The following GABPB1 variants were observed in gnomAD, a reference collection of about 807,000 sequenced individuals.
GABPB1 encodes GA binding protein transcription factor subunit beta 1.
Under a neutral mutation model 45.9 loss-of-function variants are expected in GABPB1, and 15 were observed. The ratio of observed to expected loss-of-function variants is 0.33; its 90% confidence interval spans 0.22 to 0.50. GABPB1 has a LOEUF of 0.50. Ranked by LOEUF, GABPB1 falls within the 20% of genes least tolerant of loss-of-function variation. The probability of loss-of-function intolerance (pLI) is 0.98; values close to 1 mark genes in which losing one functional copy is unlikely to be tolerated. For synonymous variants in GABPB1, 143 were observed against 154.4 expected, an observed-to-expected ratio of 0.93 and a Z score of 0.55; for missense variants, 252 against 457.5, an observed-to-expected ratio of 0.55 and a Z score of 4.10.
chr15:50,310,155 C>T (rs141332700), intron 1 of GABPB1, among the ~76,000 whole-genome samples: 118 of 152,306 alleles, frequency 7.7e-4, no homozygotes, highest in African/African-American at 2.5e-3. Flanking sequence ...TGCAGTGGCA[C>T]GATGTTGGCT....
At chr15:50,351,612 G>C (rs2048827592) in intron 1 of GABPB1, 1 of 142,024 alleles carries the variant, frequency 7.0e-6, no homozygotes, top group African/African-American at 2.6e-5. Context: ...GGAAAACAGG[G>C]AGGGAAGGAG....
intron 1 of GABPB1, chr15:50,347,338 T>C (rs1567553151): frequency 6.6e-6 from 1 of 152,072 alleles, no homozygotes; most frequent in Non-Finnish European, 1.5e-5. Flanking sequence ...TTCACACAAG[T>C]CATTTAGGGC....
intron 1 of GABPB1, chr15:50,353,271 C>T (rs1317707434): frequency 2.0e-5 from 3 of 151,912 alleles, no homozygotes; most frequent in Non-Finnish European, 4.4e-5. Flanking sequence ...AAGTTAGAGC[C>T]CAGTAAAAAA....
At chr15:50,300,925 T>G (rs1363068660) in intron 5 of GABPB1, 23 bp from the exon 6 acceptor site, 1 of 1,381,520 alleles carries the variant, frequency 7.2e-7, no homozygotes, top group African/African-American at 1.4e-5. Context: ...AGAAAATAGA[T>G]TTGAATTTCT....
chr15:50,350,468 C>A (rs981290189), intron 1 of GABPB1: 6 of 150,680 alleles, frequency 4.0e-5, no homozygotes, highest in Non-Finnish European at 5.9e-5. Context: ...TTTAAAGCTG[C>A]TGAATCTACC....
chr15:50,307,646 G>A (rs2046993624), intron 2 of GABPB1, among the ~76,000 whole-genome samples: 1 of 149,376 alleles, frequency 6.7e-6, no homozygotes. Flanking sequence ...AGGTTGCAGT[G>A]AGCCGAGACT....
intron 6 of GABPB1, among the ~76,000 whole-genome samples, chr15:50,296,333 CT>C (rs1348932683): frequency 2.0e-5 from 3 of 152,180 alleles, no homozygotes; most frequent in African/African-American, 7.2e-5. Context: ...TAGCAGAACA[CT>C]TATTTCAACA....
rs561565231 is a variant in GABPB1 at position 50,300,536 on chromosome 15, G to A, written c.697+253C>T. Among the ~76,000 whole-genome samples, 16 of 142,536 alleles carry A rather than the reference G, an allele frequency of 1.1e-4. No homozygotes were observed. The East Asian group carries it at 3.2e-3, about 29-fold the overall frequency. The allele number at this position is 142,536 out of a possible 152,430, so 93.5% of individuals were successfully genotyped here. On this transcript the variant is annotated intron_variant, in intron 6 of 8. Transcript: ENST00000380877. ...CAGCTCACTGCAGCCTTCACCTCCC[G>A]GGTTCAAGCAATCCTCCTGCCTCAG...
chr15:50,347,263 G>A (rs992399023), intron 1 of GABPB1, among the ~76,000 whole-genome samples: 9 of 152,066 alleles, frequency 5.9e-5, no homozygotes, highest in Non-Finnish European at 1.2e-4. Flanking sequence ...GAAACTGAGG[G>A]TCACTATGAA....
chr15:50,329,117 A>G (rs188159476), intron 1 of GABPB1, among the ~76,000 whole-genome samples: 132 of 152,260 alleles, frequency 8.7e-4, no homozygotes, highest in African/African-American at 3.1e-3. Context: ...CAGGTTACGC[A>G]TGTCCCCTGC....
intron 6 of GABPB1, among the ~76,000 whole-genome samples, chr15:50,294,005 T>C (rs919424678): frequency 2.6e-5 from 4 of 152,030 alleles, no homozygotes; most frequent in African/African-American, 9.7e-5. Context: ...GGATAAAAAA[T>C]AACTATAACA....
intron 1 of GABPB1, among the ~76,000 whole-genome samples, chr15:50,340,143 T>C (rs1055378371): frequency 3.3e-5 from 5 of 152,192 alleles, no homozygotes; most frequent in African/African-American, 1.2e-4. Flanking sequence ...CTTCACCATA[T>C]GAGGGCACAG....
At chr15:50,350,652 T>C (rs1182615523) in intron 1 of GABPB1, 1 of 152,108 alleles carries the variant, frequency 6.6e-6, no homozygotes, top group Non-Finnish European at 1.5e-5. Context: ...TCAAAGTTTA[T>C]AGGTAACTTG....
At chr15:50,341,677 T>C (rs1359955201) in intron 1 of GABPB1, among the ~76,000 whole-genome samples, 1 of 152,170 alleles carries the variant, frequency 6.6e-6, no homozygotes, top group East Asian at 1.9e-4. Flanking sequence ...GAACTTCTCA[T>C]TGCAATGGAT....
At chr15:50,333,017 G>A (rs909286925) in intron 1 of GABPB1, among the ~76,000 whole-genome samples, 8 of 151,882 alleles carry the variant, frequency 5.3e-5, no homozygotes, top group Non-Finnish European at 1.0e-4. Context: ...TGGTGCATGT[G>A]GATATTTAAT....
chr15:50,307,205 A>G (rs1046164694), intron 2 of GABPB1, among the ~76,000 whole-genome samples: 14 of 152,266 alleles, frequency 9.2e-5, no homozygotes, highest in African/African-American at 3.4e-4. Context: ...AGTTCCCACC[A>G]TCTCCTCACC....
intron 7 of GABPB1, 43 bp downstream of exon 7, chr15:50,289,440 A>G: frequency 7.3e-7 from 1 of 1,373,750 alleles, no homozygotes; most frequent in Non-Finnish European, 9.9e-7. Context: ...TAAAAATTAA[A>G]AAAAAAAAAC....
intron 1 of GABPB1, among the ~76,000 whole-genome samples, chr15:50,335,170 C>A (rs2048076527): frequency 1.3e-5 from 2 of 152,150 alleles, no homozygotes; most frequent in South Asian, 4.1e-4. Flanking sequence ...TTTCCTTTCT[C>A]TTTTTTCCTC....
intron 6 of GABPB1, among the ~76,000 whole-genome samples, chr15:50,293,745 T>G (rs2046422784): frequency 6.6e-6 from 1 of 152,346 alleles, no homozygotes; most frequent in Non-Finnish European, 1.5e-5. Flanking sequence ...TTGCACTATT[T>G]GCAATGACTG....
Sources: gnomAD v4.1 joint callset for allele counts (sites outside exome capture counted in the v4.1 genomes callset) on GRCh38, gnomAD v4.1.1 for gene constraint, MANE v1.5 for transcripts, NCBI Gene and HGNC (gene_info 2026-07-23, HGNC 2026-07-21) for gene names.